UPP2: variants seen among roughly 807,000 people sequenced by gnomAD.
The protein encoded by UPP2 is UPase 2.
A neutral mutation model predicts 26.7 loss-of-function variants in UPP2; 23 were observed. That is an observed-to-expected ratio of 0.86 (90% confidence interval 0.62 to 1.22). The LOEUF (loss-of-function observed/expected upper bound fraction) is 1.22. UPP2 is among the 50% of genes most tolerant of loss of function. UPP2 has a pLI of 0.00. For missense variants in UPP2, 387 were observed against 396.7 expected (o/e 0.98, Z 0.21); for synonymous variants, 127 against 141.3 (o/e 0.90, Z 0.72).
intron 3 of UPP2, among the ~76,000 whole-genome samples, chr2:158,083,565 G>A (rs1256931144): frequency 6.6e-6 from 1 of 151,936 alleles, no homozygotes; most frequent in Admixed American, 6.6e-5. Flanking sequence ...GGGGATGGGG[G>A]GTTAGGGGAG....
rs1683895696 is a variant in UPP2 at position 158,134,764 on chromosome 2, G to A, written c.828G>A (p.Val276=). Residue 276 remains valine, a synonymous_variant, in exon 7 of 7, where the codon GTG becomes GTA. Coordinates refer to ENST00000005756, the MANE Select transcript of UPP2 (RefSeq NM_173355.4). ...CTCTTCTAGCTGCTGTGGTCTGTGTGACACTTCTCGACAGACTCGACTGTG... is the reference window on the plus strand; with the variant it reads ...CTCTTCTAGCTGCTGTGGTCTGTGTAACACTTCTCGACAGACTCGACTGTG... The part of the protein sequence containing the change: ...LCGLKAAVVC[V]TLLDRLDCDQ... The A allele has an allele frequency of 6.2e-7, 1 of 1,611,508 alleles. No individual in the cohort carries two copies. The highest frequency in any genetic ancestry group is 2.2e-5 in the East Asian group (1 of 44,698).
At chr2:158,013,721 C>T (rs1016772295) in intron 2 of UPP2, among the ~76,000 whole-genome samples, 6 of 152,124 alleles carry the variant, frequency 3.9e-5, no homozygotes, top group African/African-American at 7.2e-5. Flanking sequence ...AGGAGAAGGG[C>T]GAGGCACCTT....
intron 2 of UPP2, among the ~76,000 whole-genome samples, chr2:158,002,535 A>G (rs1304634752): frequency 6.6e-6 from 1 of 152,280 alleles, no homozygotes; most frequent in African/African-American, 2.4e-5. Flanking sequence ...GCCTGCACAG[A>G]GCAAGAGCTT....
intron 2 of UPP2, among the ~76,000 whole-genome samples, chr2:158,004,409 A>G (rs1208967152): frequency 6.6e-6 from 1 of 152,102 alleles, no homozygotes; most frequent in African/African-American, 2.4e-5. Flanking sequence ...AAAAAATCCA[A>G]CACCTAATCT....
At chr2:158,108,662 G>A (rs1234673672) in intron 2 of UPP2, among the ~76,000 whole-genome samples, 3 of 151,812 alleles carry the variant, frequency 2.0e-5, no homozygotes, top group Non-Finnish European at 4.4e-5. Context: ...TATAATCCCA[G>A]GAAACAGACC....
rs151149092 is a variant in UPP2 at position 158,038,011 on chromosome 2, C to T, written c.147+22125C>T. On this transcript the variant is annotated intron_variant, in intron 3 of 9. Coordinates refer to the UPP2 transcript ENST00000605860. ...AAGAAACTAAGGCAGAATGTATCCT[C>T]AATGGGTAGAAGCATTTCTGCTGCA... Among the ~76,000 whole-genome samples the T allele has an allele frequency of 4.1e-3, 629 of 152,194 alleles. 6 individuals are homozygous for T. Among genetic ancestry groups the T allele is most frequent in the African/African-American group, 0.014 (596 of 41,526 alleles).
chr2:158,089,660 G>GT (rs1682875334), intron 3 of UPP2, among the ~76,000 whole-genome samples: 1 of 152,210 alleles, frequency 6.6e-6, no homozygotes, highest in South Asian at 2.1e-4. Flanking sequence ...GAGAATGAAA[G>GT]TGCCCACAGG....
chr2:158,115,028 C>A, intron 2 of UPP2, 73 bp from the exon 3 acceptor site: 2 of 1,395,506 alleles, frequency 1.4e-6, no homozygotes, highest in South Asian at 3.3e-5. Flanking sequence ...AAAATAAAAA[C>A]ATTAGAGTTG....
chr2:158,024,215 G>A (rs1327777338), intron 3 of UPP2, among the ~76,000 whole-genome samples: 1 of 152,124 alleles, frequency 6.6e-6, no homozygotes, highest in Non-Finnish European at 1.5e-5. Flanking sequence ...GAGCATATAA[G>A]GTTTGAGGAA....
At chr2:158,061,522 T>C (rs1358831457) in intron 3 of UPP2, among the ~76,000 whole-genome samples, 2 of 152,206 alleles carry the variant, frequency 1.3e-5, no homozygotes, top group Non-Finnish European at 2.9e-5. Context: ...AAGGAAACTG[T>C]AGCTTATTTT....
At chr2:158,052,725 G>C (rs75239914) in intron 3 of UPP2, among the ~76,000 whole-genome samples, 1,627 of 152,214 alleles carry the variant, frequency 0.011, 17 homozygotes, top group Middle Eastern at 0.021. Flanking sequence ...CTTCTTCACT[G>C]TCGTCATCAT....
intron 3 of UPP2, among the ~76,000 whole-genome samples, chr2:158,039,664 T>C (rs1038067375): frequency 8.5e-5 from 13 of 152,210 alleles, no homozygotes; most frequent in African/African-American, 2.2e-4. Flanking sequence ...ACTAATAGCA[T>C]GGGAATCACC....
chr2:158,062,012 G>A (rs536113811), intron 3 of UPP2, among the ~76,000 whole-genome samples: 12 of 152,300 alleles, frequency 7.9e-5, no homozygotes, highest in South Asian at 6.2e-4. Flanking sequence ...ATTGGAACAC[G>A]GCCATACTTG....
intron 3 of UPP2, among the ~76,000 whole-genome samples, chr2:158,094,042 A>G (rs116543964): frequency 0.02 from 3,043 of 150,992 alleles, 85 homozygotes; most frequent in African/African-American, 0.061. Context: ...ATATACATAT[A>G]CCATATACAT....
At chr2:158,059,546 A>C (rs1682317388) in intron 3 of UPP2, among the ~76,000 whole-genome samples, 1 of 152,202 alleles carries the variant, frequency 6.6e-6, no homozygotes, top group Non-Finnish European at 1.5e-5. Context: ...GGAATGACCA[A>C]ACTTAAGCAC....
At chr2:158,046,039 C>T (rs1047643029) in intron 3 of UPP2, among the ~76,000 whole-genome samples, 2 of 152,102 alleles carry the variant, frequency 1.3e-5, no homozygotes, top group Non-Finnish European at 2.9e-5. Context: ...ATCACATTGA[C>T]AGAGAAGGAA....
chr2:158,102,050 A>G lies in UPP2; in HGVS notation c.-14A>G. 1 of 1,612,858 alleles carries G rather than the reference A, an allele frequency of 6.2e-7. No homozygotes were observed. Among genetic ancestry groups the G allele is most frequent in the Non-Finnish European group, 8.5e-7 (1 of 1,179,508 alleles). On this transcript the variant is annotated 5_prime_UTR_variant, in exon 1 of 7. Coordinates refer to ENST00000005756, the MANE Select transcript of UPP2 (RefSeq NM_173355.4). The stretch of plus-strand genomic sequence containing the variant: ...TGACATCAATTTAAGGTGACTTTTC[A>G]CATAGTAGAGAGAATGGCTTCAGTT...
intron 6 of UPP2, among the ~76,000 whole-genome samples, chr2:158,124,937 A>T (rs1483275717): frequency 6.6e-6 from 1 of 152,208 alleles, no homozygotes; most frequent in African/African-American, 2.4e-5. Context: ...CACTGGAGAC[A>T]TAAAATTCTA....
intron 2 of UPP2, among the ~76,000 whole-genome samples, chr2:158,001,538 G>T (rs945336294): frequency 6.6e-6 from 1 of 152,166 alleles, no homozygotes; most frequent in Non-Finnish European, 1.5e-5. Flanking sequence ...TAGTGCAAAA[G>T]AGCCTGTTTA....
Sources: gnomAD v4.1 joint callset for allele counts (sites outside exome capture counted in the v4.1 genomes callset) on GRCh38, gnomAD v4.1.1 for gene constraint, MANE v1.5 for transcripts, NCBI Gene and HGNC (gene_info 2026-07-23, HGNC 2026-07-21) for gene names.